Variants in KDM4C observed in about 807,000 individuals in gnomAD.
The protein encoded by KDM4C is lysine demethylase 4C.
In KDM4C, 81 loss-of-function variants were observed where a neutral mutation model predicts 129.3. The observed-to-expected ratio is 0.63, with a 90% CI of 0.52 to 0.75. The LOEUF is 0.75. Ranked by LOEUF, KDM4C falls within the 30% of genes least tolerant of loss-of-function variation. The pLI, the probability that KDM4C is intolerant of heterozygous loss-of-function variation, is 0.00. For missense variants in KDM4C, 1,457 were observed against 1,304.0 expected, an observed-to-expected ratio of 1.12 and a Z score of -1.81; for synonymous variants, 573 against 456.1, an observed-to-expected ratio of 1.26 and a Z score of -3.26.
chr9:7,094,493 C>T (rs987886907), intron 17 of KDM4C, among the ~76,000 whole-genome samples: 11 of 152,098 alleles, frequency 7.2e-5, no homozygotes, highest in East Asian at 1.9e-4. Context: ...ATCTAGAAGA[C>T]GAATCTACAA....
intron 8 of KDM4C, among the ~76,000 whole-genome samples, chr9:6,954,944 A>G (rs1828805090): frequency 6.6e-6 from 1 of 152,250 alleles, no homozygotes. Flanking sequence ...ATTTTGCTTC[A>G]GTCTCTAGTA....
intron 18 of KDM4C, among the ~76,000 whole-genome samples, chr9:7,114,035 C>T (rs1401122872): frequency 1.3e-5 from 2 of 152,118 alleles, no homozygotes; most frequent in African/African-American, 4.8e-5. Flanking sequence ...TGGTACATCC[C>T]AGGATGAACA....
chr9:7,113,470 A>T (rs536295933), intron 18 of KDM4C, among the ~76,000 whole-genome samples: 12 of 151,902 alleles, frequency 7.9e-5, no homozygotes, highest in African/African-American at 2.7e-4. Flanking sequence ...CCTATTCAGA[A>T]CCCCCTAATT....
intron 12 of KDM4C, among the ~76,000 whole-genome samples, chr9:6,995,908 T>C (rs1192942863): frequency 2.6e-5 from 4 of 152,216 alleles, no homozygotes; most frequent in Non-Finnish European, 5.9e-5. Flanking sequence ...GACCTCGTGA[T>C]CTGCCCACCT....
Position 6,736,907 on chromosome 9 carries a change from C to T in KDM4C, c.49+15910C>T, listed in dbSNP as rs191769973. 3.2e-3 allele frequency among the ~76,000 whole-genome samples: 485 copies of T among 151,818 alleles called. 3 individuals are homozygous for T. The highest frequency in any genetic ancestry group is 0.011 in the African/African-American group (454 of 41,424). On this transcript the variant is annotated intron_variant, in intron 1 of 17. Coordinates refer to the KDM4C transcript ENST00000536108. ...CTCTACAAAAAAATACAAAATTAGC[C>T]GGGCATGGGGGCACACACATGTAGT...
chr9:7,097,433 CTTCAG>C (rs1836571118), intron 17 of KDM4C, among the ~76,000 whole-genome samples: 1 of 152,216 alleles, frequency 6.6e-6, no homozygotes, highest in Non-Finnish European at 1.5e-5. Context: ...AACTCTTGGC[CTTCAG>C]TTCAGAGTGG....
In KDM4C at chr9:6,798,953, C is replaced by T. The variant is rs189082245; in HGVS notation, c.144+5821C>T. Among the ~76,000 whole-genome samples the T allele has an allele frequency of 1.9e-3, 296 of 152,078 alleles. 3 individuals carry two copies. Among genetic ancestry groups the T allele is most frequent in the African/African-American group, 6.6e-3 (274 of 41,462 alleles). ...CGCGGTCGGGTCGAGGCGCTCCTCA[C>T]ATCCCAGACGATGGGTGGCCGGGCA... On this transcript the variant is annotated intron_variant, in intron 2 of 21. Coordinates refer to ENST00000381309, the MANE Select transcript of KDM4C (RefSeq NM_015061.6).
intron 12 of KDM4C, among the ~76,000 whole-genome samples, chr9:7,008,349 C>A (rs1436734211): frequency 2.0e-5 from 3 of 152,130 alleles, no homozygotes; most frequent in African/African-American, 7.2e-5. Flanking sequence ...CAGGTCAGTA[C>A]CCACATCCTT....
At chr9:6,902,260 T>C (rs1589016012) in intron 8 of KDM4C, among the ~76,000 whole-genome samples, 1 of 152,180 alleles carries the variant, frequency 6.6e-6, no homozygotes, top group East Asian at 1.9e-4. Context: ...TGCCCACATA[T>C]TTCATGATCA....
At chr9:7,064,750 A>C (rs1212081225) in intron 17 of KDM4C, among the ~76,000 whole-genome samples, 1 of 152,106 alleles carries the variant, frequency 6.6e-6, no homozygotes, top group Non-Finnish European at 1.5e-5. Context: ...TACTGCTCCT[A>C]GGTATGTAGT....
At chr9:6,817,982 G>T (rs1295738803) in intron 4 of KDM4C, among the ~76,000 whole-genome samples, 7 of 151,778 alleles carry the variant, frequency 4.6e-5, no homozygotes, top group Admixed American at 3.9e-4. Flanking sequence ...GGCCAGGTTG[G>T]TCTCAATCTC....
At chr9:6,732,969 T>C (rs187711177) in intron 1 of KDM4C, among the ~76,000 whole-genome samples, 15 of 151,912 alleles carry the variant, frequency 9.9e-5, no homozygotes, top group African/African-American at 3.6e-4. Context: ...GCCGAGATCA[T>C]GCCATTGCAC....
chr9:6,810,613 T>G (rs1373242119), intron 3 of KDM4C, among the ~76,000 whole-genome samples: 6 of 152,172 alleles, frequency 3.9e-5, no homozygotes, highest in African/African-American at 1.4e-4. Context: ...GGTTCACGCT[T>G]GTAGTCCCAA....
At chr9:6,800,282 A>C (rs1048676677) in intron 2 of KDM4C, among the ~76,000 whole-genome samples, 4 of 152,080 alleles carry the variant, frequency 2.6e-5, no homozygotes, top group South Asian at 2.1e-4. Flanking sequence ...CACGAGAATC[A>C]CTTGAACCTG....
At chr9:6,941,044 T>G (rs1040231550) in intron 8 of KDM4C, among the ~76,000 whole-genome samples, 2 of 152,148 alleles carry the variant, frequency 1.3e-5, no homozygotes, top group Non-Finnish European at 2.9e-5. Flanking sequence ...CCTTTTTTTT[T>G]TTTTTGGAGA....
chr9:6,828,555 C>T (rs772720600), intron 4 of KDM4C, among the ~76,000 whole-genome samples: 10 of 146,956 alleles, frequency 6.8e-5, no homozygotes, highest in Non-Finnish European at 1.5e-4. Context: ...ACCGTCTGAT[C>T]TTCTGTCAGA....
At chr9:6,747,109 C>T (rs984489256) in intron 1 of KDM4C, among the ~76,000 whole-genome samples, 1 of 150,880 alleles carries the variant, frequency 6.6e-6, no homozygotes, top group African/African-American at 2.4e-5. Context: ...GGGAGGATTG[C>T]TTGAGCCCAG....
rs118101687 is a variant in KDM4C, at chr9:6,909,001, T to C, written c.921+15769T>C. 9.3e-3 allele frequency among the ~76,000 whole-genome samples: 1,423 copies of C among 152,350 alleles called. 7 individuals carry two copies. The highest frequency in any genetic ancestry group is 0.014 in the African/African-American group (597 of 41,586). On this transcript the variant is annotated intron_variant, in intron 8 of 21. Transcript: ENST00000381309. ...CAATTTGGACTCCCTTTGTCTCTTA[T>C]TGTCCTGTGACAGTTACCATGAGTG... is the stretch of plus-strand genomic sequence containing the variant.
At chr9:7,084,272 G>C (rs1345615167) in intron 17 of KDM4C, among the ~76,000 whole-genome samples, 1 of 152,126 alleles carries the variant, frequency 6.6e-6, no homozygotes, top group East Asian at 1.9e-4. Context: ...GAATGGCATA[G>C]TTCATATAGG....
Sources: gnomAD v4.1 joint callset for allele counts (sites outside exome capture counted in the v4.1 genomes callset) on GRCh38, gnomAD v4.1.1 for gene constraint, MANE v1.5 for transcripts, NCBI Gene and HGNC (gene_info 2026-07-23, HGNC 2026-07-21) for gene names.